Variants in PPP6C observed in about 807,000 individuals in gnomAD.
The protein encoded by PPP6C is serine/threonine-protein phosphatase 6 catalytic subunit.
In PPP6C, 11 loss-of-function variants were observed where a neutral mutation model predicts 39.8. The ratio of observed to expected loss-of-function variants is 0.28; its 90% CI spans 0.17 to 0.46. The LOEUF (loss-of-function observed/expected upper bound fraction) is 0.46, where lower values mean the gene tolerates loss of function less well. Among genes scored for constraint, PPP6C ranks in the 20% least tolerant of loss-of-function variants. PPP6C has a pLI of 1.00. For synonymous variants in PPP6C, 129 were observed against 130.3 expected (o/e 0.99, Z 0.07); for missense variants, 211 against 373.9 (o/e 0.56, Z 3.59).
At chr9:125,172,929 G>A (rs1829207799) in intron 1 of PPP6C, among the ~76,000 whole-genome samples, 1 of 152,000 alleles carries the variant, frequency 6.6e-6, no homozygotes, top group Non-Finnish European at 1.5e-5. Flanking sequence ...GGGAAAACTG[G>A]GTTATTTTGA....
At position 125,182,788 on chromosome 9, in the gene PPP6C, C is replaced by A. The variant is rs571173867; in HGVS notation, c.75+6856G>T. On this transcript the variant is annotated intron_variant, in intron 1 of 6. Transcript: ENST00000373547. ...TAGTAACTTCCCACCCCTCCCCTGA[C>A]CCAGCTGTGACAACCAAAAATGTCT... Among the ~76,000 whole-genome samples, 7 of 149,640 alleles carry A rather than the reference C, an allele frequency of 4.7e-5. 1 individual carries two copies. In the South Asian group the frequency reaches 1.5e-3, roughly 32 times the overall value.
intron 6 of PPP6C, among the ~76,000 whole-genome samples, chr9:125,151,960 C>G (rs2131297174): frequency 1.3e-5 from 2 of 152,266 alleles, no homozygotes; most frequent in Admixed American, 1.3e-4. Flanking sequence ...TTGAGAACAA[C>G]CAGCAGCAAA....
At chr9:125,155,207 G>A (rs551479475) in intron 4 of PPP6C, among the ~76,000 whole-genome samples, 10 of 152,090 alleles carry the variant, frequency 6.6e-5, no homozygotes, top group African/African-American at 2.4e-4. Flanking sequence ...TACCCTGACT[G>A]TCTACATAGT....
Position 125,160,878 on chromosome 9 carries a change from G to C in PPP6C, c.200C>G (p.Thr67Ser), listed in dbSNP as rs1828855741. 1 of 1,591,176 alleles carries C rather than the reference G, an allele frequency of 6.3e-7. No homozygotes were observed. The highest frequency in any genetic ancestry group is 8.5e-7 in the Non-Finnish European group (1 of 1,171,096). Residue 67 changes from threonine to serine, a missense_variant, in exon 3 of 7, where the codon ACT becomes AGT. Around this residue, in one of 2 missense-constraint regions of PPP6C, gnomAD observed 168 missense variants for 342.6 expected, o/e 0.49. Transcript: ENST00000373547. Reference sequence around the variant, plus strand: ...GTTTGTGTCAGGAACCTGACCTCCAGTTCTGAACAGTTCACAAAGGTCATA... The same window carrying C: ...GTTTGTGTCAGGAACCTGACCTCCACTTCTGAACAGTTCACAAAGGTCATA... Reference protein sequence around the residue: ...QFYDLCELFRTGGQVPDTNYI... With the variant: ...QFYDLCELFRSGGQVPDTNYI...
intron 2 of PPP6C, among the ~76,000 whole-genome samples, chr9:125,165,091 T>A (rs750814601): frequency 6.6e-6 from 1 of 152,124 alleles, no homozygotes; most frequent in African/African-American, 2.4e-5. Context: ...GTCTGCCCAG[T>A]AGTTCTCAAA....
At chr9:125,160,494 A>G (rs10986592) in intron 3 of PPP6C, among the ~76,000 whole-genome samples, 2,297 of 152,284 alleles carry the variant, frequency 0.015, 107 homozygotes, top group Admixed American at 0.082. Context: ...TCTCATGACA[A>G]TAAGTCTCAT....
intron 2 of PPP6C, among the ~76,000 whole-genome samples, chr9:125,161,980 T>A (rs1463044302): frequency 6.6e-6 from 1 of 152,044 alleles, no homozygotes; most frequent in African/African-American, 2.4e-5. Flanking sequence ...CTTTTAACAC[T>A]TAATAGGAAT....
chr9:125,169,793 T>C (rs1331740028), intron 2 of PPP6C, among the ~76,000 whole-genome samples: 1 of 152,150 alleles, frequency 6.6e-6, no homozygotes, highest in Admixed American at 6.6e-5. Context: ...ATTTTAACAA[T>C]CAAAGATGAC....
chr9:125,179,932 AAGTGTG>A (rs1333640895), intron 1 of PPP6C, among the ~76,000 whole-genome samples: 1 of 152,130 alleles, frequency 6.6e-6, no homozygotes, highest in Non-Finnish European at 1.5e-5. Flanking sequence ...CTAGGATTAC[AAGTGTG>A]AGCATCACAC....
intron 1 of PPP6C, among the ~76,000 whole-genome samples, chr9:125,189,157 C>T (rs1829603954): frequency 6.6e-6 from 1 of 152,220 alleles, no homozygotes; most frequent in Admixed American, 6.5e-5. Context: ...CTCGGGCCCA[C>T]CGCCTTCCCC....
chr9:125,153,590 G>A lies in PPP6C; in HGVS notation c.612C>T (p.Thr204=), dbSNP rs1423213293. The change falls in exon 6 of 7, where the codon ACC becomes ACT. Residue 204 remains threonine (T), a synonymous_variant. Coordinates refer to ENST00000373547, the MANE Select transcript of PPP6C (RefSeq NM_002721.5). The stretch of plus-strand genomic sequence containing the variant: ...CTGCTCCTCGGGGACTGATAGCCCA[G>A]GTATCCACATCTTCAGGATCTGACC... ...LVWSDPEDVD[T]WAISPRGAGW... is the part of the protein sequence containing the mutation. 2.5e-6 allele frequency: 4 copies of A among 1,613,996 alleles called. No homozygotes were observed. The highest frequency in any genetic ancestry group is 1.3e-5 in the African/African-American group (1 of 74,906).
chr9:125,182,144 C>CTCT (rs767126001), intron 1 of PPP6C, among the ~76,000 whole-genome samples: 2 of 152,180 alleles, frequency 1.3e-5, no homozygotes, highest in South Asian at 4.1e-4. Context: ...ACCTCTATGT[C>CTCT]TCTTCTCTAC....
intron 1 of PPP6C, among the ~76,000 whole-genome samples, chr9:125,181,599 T>C (rs891556516): frequency 6.6e-6 from 1 of 152,148 alleles, no homozygotes; most frequent in African/African-American, 2.4e-5. Context: ...CGTTTTCTGT[T>C]CCTGTGTTAG....
chr9:125,189,234 G>A (rs1465067444), intron 1 of PPP6C, among the ~76,000 whole-genome samples: 3 of 152,208 alleles, frequency 2.0e-5, no homozygotes, highest in African/African-American at 4.8e-5. Context: ...GTCAGACGCC[G>A]GCCACTCCGC....
chr9:125,185,466 G>A (rs943927317), intron 1 of PPP6C, among the ~76,000 whole-genome samples: 1 of 151,904 alleles, frequency 6.6e-6, no homozygotes, highest in African/African-American at 2.4e-5. Context: ...GGCTGAGAAG[G>A]GTGGATCACC....
chr9:125,165,601 T>C (rs890865307), intron 2 of PPP6C, among the ~76,000 whole-genome samples: 2 of 152,138 alleles, frequency 1.3e-5, no homozygotes, highest in African/African-American at 4.8e-5. Flanking sequence ...GTTGGGAATA[T>C]ACTAAGTAAA....
rs185041886 is a variant in PPP6C, at chr9:125,178,979, C to T, written c.76-7799G>A. Among the ~76,000 whole-genome samples, 98 of 152,190 alleles carry T rather than the reference C, an allele frequency of 6.4e-4. 1 individual carries two copies. The highest frequency in any genetic ancestry group is 2.3e-3 in the African/African-American group (94 of 41,514). On this transcript the variant is annotated intron_variant, in intron 1 of 6. Coordinates refer to ENST00000373547, the MANE Select transcript of PPP6C (RefSeq NM_002721.5). ...TCTGTAATCCCAGCACTTTGGGAGG[C>T]CGAGGAGGTCAGATCACCTGAGGTC... is the stretch of plus-strand genomic sequence containing the variant.
intron 1 of PPP6C, among the ~76,000 whole-genome samples, chr9:125,171,468 C>CATATATATATATAT (rs556223259): frequency 1.4e-5 from 1 of 71,556 alleles, no homozygotes; most frequent in African/African-American, 7.7e-5. Context: ...TATACACACA[C>CATATATATATATAT]ACACACACAC....
intron 6 of PPP6C, chr9:125,150,989 T>C (rs1835922925): frequency 1.5e-6 from 2 of 1,350,454 alleles, no homozygotes; most frequent in Admixed American, 3.4e-5. Context: ...GCAAACATGC[T>C]ATCTGTGGCA....
Sources: gnomAD v4.1 joint callset for allele counts (sites outside exome capture counted in the v4.1 genomes callset) on GRCh38, gnomAD v4.1.1 for gene constraint, gnomAD v4.1.1 regional missense constraint, MANE v1.5 for transcripts, NCBI Gene and HGNC (gene_info 2026-07-23, HGNC 2026-07-21) for gene names.